Variants in BTRC observed in about 807,000 individuals in gnomAD.
BTRC encodes beta-transducin repeat containing E3 ubiquitin protein ligase.
Under a neutral mutation model 85.5 loss-of-function variants are expected in BTRC, and 42 were observed. The ratio of observed to expected loss-of-function variants is 0.49; its 90% CI spans 0.38 to 0.64. The LOEUF is 0.64. Among genes scored for constraint, BTRC ranks in the 30% least tolerant of loss-of-function variants. The probability of loss-of-function intolerance (pLI) is 0.00; values close to 1 mark genes in which losing one functional copy is unlikely to be tolerated. For missense variants in BTRC, 594 were observed against 743.5 expected (o/e 0.80, Z 2.34); for synonymous variants, 255 against 263.3 (o/e 0.97, Z 0.30).
chr10:101,546,372 C>T (rs1420624446), intron 13 of BTRC, among the ~76,000 whole-genome samples: 4 of 151,870 alleles, frequency 2.6e-5, no homozygotes, highest in African/African-American at 7.3e-5. Flanking sequence ...ACACGTAGGT[C>T]AAGAAGAAAT....
chr10:101,420,015 C>T (rs565161097), intron 1 of BTRC, among the ~76,000 whole-genome samples: 1 of 150,582 alleles, frequency 6.6e-6, no homozygotes, highest in African/African-American at 2.4e-5. Context: ...CCTAGGCCCT[C>T]TCAGTTGGTA....
At chr10:101,481,209 G>A (rs1945824959) in intron 4 of BTRC, among the ~76,000 whole-genome samples, 1 of 152,192 alleles carries the variant, frequency 6.6e-6, no homozygotes, top group South Asian at 2.1e-4. Context: ...CTGCCAAAGA[G>A]TTGGGATTAC....
chr10:101,372,480 C>G lies in BTRC; in HGVS notation c.48+18252C>G, dbSNP rs185553439. ...ATGTTGGTCAGGCTGGTCTCGAACT[C>G]CCTGACCTCGTGATCTGCCCGCCTC... On this transcript the variant is annotated intron_variant, in intron 1 of 14. Transcript: ENST00000370187. Among the ~76,000 whole-genome samples the G allele has an allele frequency of 6.6e-3, 984 of 148,632 alleles. 8 individuals carry two copies. The highest frequency in any genetic ancestry group is 0.027 in the Middle Eastern group (8 of 292).
intron 4 of BTRC, among the ~76,000 whole-genome samples, chr10:101,517,973 C>T (rs1012023420): frequency 1.2e-4 from 16 of 136,290 alleles, no homozygotes; most frequent in African/African-American, 3.9e-4. Context: ...AGTGCAGTGG[C>T]GGGATCTCGG....
At chr10:101,440,914 T>C (rs1456612566) in intron 2 of BTRC, among the ~76,000 whole-genome samples, 1 of 152,194 alleles carries the variant, frequency 6.6e-6, no homozygotes, top group Non-Finnish European at 1.5e-5. Context: ...TAGCCAGATT[T>C]TTGTCCTTAC....
intron 13 of BTRC, among the ~76,000 whole-genome samples, chr10:101,548,492 CTG>C: frequency 6.6e-6 from 1 of 152,210 alleles, no homozygotes; most frequent in Non-Finnish European, 1.5e-5. Context: ...TGGCTCATGT[CTG>C]TAATCCCAGC....
At chr10:101,398,743 T>C (rs1372837604) in intron 1 of BTRC, among the ~76,000 whole-genome samples, 4 of 152,240 alleles carry the variant, frequency 2.6e-5, no homozygotes, top group African/African-American at 7.2e-5. Flanking sequence ...GGTTGAAAAC[T>C]GTGTTGTAAA....
intron 1 of BTRC, among the ~76,000 whole-genome samples, chr10:101,372,480 C>T (rs185553439): frequency 6.1e-5 from 9 of 148,634 alleles, no homozygotes; most frequent in Non-Finnish European, 1.3e-4. Flanking sequence ...GTCTCGAACT[C>T]CCTGACCTCG....
intron 1 of BTRC, among the ~76,000 whole-genome samples, chr10:101,375,073 C>T (rs1007885147): frequency 6.6e-6 from 1 of 152,132 alleles, no homozygotes; most frequent in Non-Finnish European, 1.5e-5. Context: ...CGCAGGGGAA[C>T]TTAGCAAGGG....
chr10:101,364,869 A>G (rs963612212), intron 1 of BTRC: 2 of 141,990 alleles, frequency 1.4e-5, no homozygotes, highest in Non-Finnish European at 3.0e-5. Context: ...TCCTGGAGGT[A>G]CTGCAATACC....
intron 4 of BTRC, among the ~76,000 whole-genome samples, chr10:101,485,280 C>T (rs1369818964): frequency 3.9e-5 from 6 of 152,200 alleles, no homozygotes; most frequent in Non-Finnish European, 7.3e-5. Flanking sequence ...TTCTTGCTAC[C>T]GGCACTCATT....
intron 1 of BTRC, among the ~76,000 whole-genome samples, chr10:101,395,415 T>A (rs942999635): frequency 2.6e-5 from 4 of 152,178 alleles, no homozygotes; most frequent in African/African-American, 9.7e-5. Context: ...TTGCTCCAGC[T>A]GCTTTATTTT....
At chr10:101,467,399 A>G (rs1045288792) in intron 3 of BTRC, among the ~76,000 whole-genome samples, 1 of 150,336 alleles carries the variant, frequency 6.7e-6, no homozygotes, top group African/African-American at 2.5e-5. Flanking sequence ...ATTAGAAGGT[A>G]CACACAGCCA....
At chr10:101,508,284 G>A (rs1461815904) in intron 4 of BTRC, among the ~76,000 whole-genome samples, 5 of 152,054 alleles carry the variant, frequency 3.3e-5, no homozygotes, top group Admixed American at 6.5e-5. Flanking sequence ...TAAAGGAATT[G>A]GAATGACTGC....
At chr10:101,457,971 C>T (rs957742092) in intron 2 of BTRC, among the ~76,000 whole-genome samples, 6 of 152,142 alleles carry the variant, frequency 3.9e-5, no homozygotes, top group Admixed American at 2.6e-4. Context: ...CATATACACA[C>T]GCACATACAT....
intron 12 of BTRC, among the ~76,000 whole-genome samples, chr10:101,538,057 T>C (rs1324231018): frequency 6.6e-6 from 1 of 152,182 alleles, no homozygotes; most frequent in Admixed American, 6.5e-5. Context: ...GTCTGTGTAA[T>C]ATCATTAAAA....
chr10:101,509,067 A>C (rs1395702119), intron 4 of BTRC, among the ~76,000 whole-genome samples: 2 of 151,984 alleles, frequency 1.3e-5, no homozygotes, highest in Non-Finnish European at 2.9e-5. Flanking sequence ...CTCAGGTGCC[A>C]ATGGGCGCTA....
intron 2 of BTRC, among the ~76,000 whole-genome samples, chr10:101,432,049 C>T (rs188690480): frequency 6.6e-6 from 1 of 151,990 alleles, no homozygotes; most frequent in Admixed American, 6.5e-5. Flanking sequence ...TTATCATGAT[C>T]GTTATAAACA....
At chr10:101,522,476 A>G (rs2134374957) in intron 5 of BTRC, among the ~76,000 whole-genome samples, 1 of 108,498 alleles carries the variant, frequency 9.2e-6, no homozygotes. Context: ...GCTGGAGTGC[A>G]GTGGCGCGAT....
Sources: allele counts gnomAD v4.1 joint callset (sites outside exome capture counted in the v4.1 genomes callset), GRCh38; gene constraint gnomAD v4.1.1; transcripts MANE v1.5; gene names NCBI Gene and HGNC (gene_info 2026-07-23, HGNC 2026-07-21).